CPPED1: variants seen among roughly 807,000 people sequenced by gnomAD.
CPPED1 encodes calcineurin like phosphoesterase domain containing 1.
CPPED1 carries 28 observed loss-of-function variants against 28.0 expected under a neutral mutation model. That is an observed-to-expected ratio of 1.00 (90% CI 0.74 to 1.37). The LOEUF is 1.37. Ranked by LOEUF, CPPED1 falls within the 40% of genes most tolerant of loss-of-function variation. CPPED1 has a pLI of 0.00. For synonymous variants in CPPED1, 198 were observed against 180.2 expected (o/e 1.10, Z -0.79); for missense variants, 504 against 416.5 (o/e 1.21, Z -1.83).
rs941793591 is a variant in CPPED1, at chr16:12,670,469, A to T, written c.716-5354T>A. Among the ~76,000 whole-genome samples the T allele has an allele frequency of 6.6e-6, 1 of 152,162 alleles. No individual in the cohort carries two copies. The highest frequency in any genetic ancestry group is 1.5e-5 in the Non-Finnish European group (1 of 68,034). The stretch of plus-strand genomic sequence containing the variant: ...TTCATCCCTTAGGTGTGGGCTGTGC[A>T]TCCTGACTTCTGTTCAAAGAGTATA... On this transcript the variant is annotated intron_variant, in intron 3 of 3. Transcript: ENST00000381774. The surrounding 1 kb of genome is among the most constrained non-coding windows in gnomAD (Gnocchi z 4.2).
intron 2 of CPPED1, among the ~76,000 whole-genome samples, chr16:12,767,679 T>C (rs2080447180): frequency 1.3e-5 from 2 of 152,080 alleles, no homozygotes; most frequent in Non-Finnish European, 2.9e-5. Context: ...ATTGCCCTAC[T>C]GGGGTGCAGT....
intron 2 of CPPED1, among the ~76,000 whole-genome samples, chr16:12,719,264 G>C (rs984013622): frequency 4.0e-5 from 6 of 151,544 alleles, no homozygotes; most frequent in South Asian, 2.1e-4. Flanking sequence ...GGTGGCGGGC[G>C]CCTGTAGTCC....
intron 1 of CPPED1, among the ~76,000 whole-genome samples, chr16:12,790,692 G>A (rs2080590785): frequency 6.6e-6 from 1 of 152,066 alleles, no homozygotes; most frequent in Non-Finnish European, 1.5e-5. Context: ...AGGCCGAGTG[G>A]CGGGGCGGGG....
intron 2 of CPPED1, among the ~76,000 whole-genome samples, chr16:12,732,350 GAAA>G: frequency 7.1e-6 from 1 of 141,342 alleles, no homozygotes; most frequent in Admixed American, 7.1e-5. Flanking sequence ...GCAAGGAAGT[GAAA>G]AAAAAAAAAG....
intron 3 of CPPED1, among the ~76,000 whole-genome samples, chr16:12,694,731 T>G (rs867518439): frequency 4.7e-4 from 23 of 49,192 alleles, no homozygotes; most frequent in South Asian, 8.0e-4. Flanking sequence ...TAAAAAAAGG[T>G]GGGGGGGGGG....
chr16:12,718,603 T>C (rs2080120640), intron 2 of CPPED1, among the ~76,000 whole-genome samples: 1 of 150,358 alleles, frequency 6.7e-6, no homozygotes, highest in African/African-American at 2.5e-5. Flanking sequence ...GGTGAGAGCA[T>C]GGGGATACAG....
In CPPED1 at chr16:12,661,500, CAA is replaced by C. The variant is rs2141160446; in HGVS notation, c.*3384_*3385del. 6.6e-6 allele frequency: 1 copy of C among 152,332 alleles called. No homozygotes were observed. Among genetic ancestry groups the C allele is most frequent in the South Asian group, 2.1e-4 (1 of 4,824 alleles). 9.4% of individuals were successfully genotyped at this position (152,332 alleles called of 1,614,324 possible). ...ATGATCATCTCCCCAGCCCCATTCC[CAA>C]AGTCACTTGAGCCTTTGCAATCCAA... On this transcript the variant is annotated 3_prime_UTR_variant, in exon 4 of 4. Coordinates refer to ENST00000381774, the MANE Select transcript of CPPED1 (RefSeq NM_018340.3).
intron 3 of CPPED1, among the ~76,000 whole-genome samples, chr16:12,689,648 C>T (rs1048008089): frequency 3.7e-4 from 56 of 152,124 alleles, no homozygotes; most frequent in African/African-American, 1.3e-3. Flanking sequence ...ACAAACCACA[C>T]TAAAGATGCA....
rs1596449378 is a variant in CPPED1, at chr16:12,695,813, C to A, written c.715+8811G>T. Among the ~76,000 whole-genome samples, 3 of 152,326 alleles carry A rather than the reference C, an allele frequency of 2.0e-5. No individual in the cohort carries two copies. The East Asian group carries it at 5.8e-4, about 29-fold the overall frequency. ...TCTCACCATTTGGCTGTGCTCGAGT[C>A]TTTCTGAGCCTCTATTCTGGTTCAG... On this transcript the variant is annotated intron_variant, in intron 3 of 3. Coordinates refer to ENST00000381774, the MANE Select transcript of CPPED1 (RefSeq NM_018340.3).
At chr16:12,714,589 T>C (rs576676856) in intron 2 of CPPED1, among the ~76,000 whole-genome samples, 1 of 152,378 alleles carries the variant, frequency 6.6e-6, no homozygotes, top group Non-Finnish European at 1.5e-5. Context: ...ATATCTTCTT[T>C]GGAGAAATGT....
intron 2 of CPPED1, among the ~76,000 whole-genome samples, chr16:12,761,496 G>A (rs979825642): frequency 3.3e-5 from 5 of 151,954 alleles, no homozygotes; most frequent in African/African-American, 9.7e-5. Context: ...ATACTATGAC[G>A]AGTACTATTA....
intron 2 of CPPED1, among the ~76,000 whole-genome samples, chr16:12,767,021 T>C (rs1319310728): frequency 2.0e-5 from 3 of 151,666 alleles, no homozygotes; most frequent in African/African-American, 7.3e-5. Flanking sequence ...TTTTGAGTCA[T>C]GGAGCCTGTA....
chr16:12,706,767 G>A lies in CPPED1; in HGVS notation c.290-1718C>T, dbSNP rs1005955049. ...GAGAGGACTCTCGGTCCCTGGAGCA[G>A]GCACGACCTGCTTCCACAGGAGGCT... On this transcript the variant is annotated intron_variant, in intron 2 of 3. Coordinates refer to ENST00000381774, the MANE Select transcript of CPPED1 (RefSeq NM_018340.3). Among the ~76,000 whole-genome samples the A allele has an allele frequency of 6.1e-4, 93 of 152,188 alleles. 1 individual carries two copies. Among genetic ancestry groups the A allele is most frequent in the Middle Eastern group, 3.4e-3 (1 of 294 alleles).
rs1052834470 is a variant in CPPED1 at position 12,670,109 on chromosome 16, C to T, written c.716-4994G>A. On this transcript the variant is annotated intron_variant, in intron 3 of 3. Coordinates refer to ENST00000381774, the MANE Select transcript of CPPED1 (RefSeq NM_018340.3). This position sits in a 1 kb window ranked among gnomAD's most constrained non-coding sequence, Gnocchi z 4.2. ...AGGCCAGGAGTTCGACCAGCCTGGG[C>T]AACACAGTGAGATCCCGTCTCTACA... Among the ~76,000 whole-genome samples the T allele has an allele frequency of 1.3e-5, 2 of 152,064 alleles. No individual in the cohort carries two copies. The highest frequency in any genetic ancestry group is 2.9e-5 in the Non-Finnish European group (2 of 68,020).
chr16:12,740,026 A>G (rs1280725792), intron 2 of CPPED1, among the ~76,000 whole-genome samples: 1 of 129,314 alleles, frequency 7.7e-6, no homozygotes, highest in Non-Finnish European at 1.5e-5. Flanking sequence ...AAGACGAAAG[A>G]AAGAAAAGAA....
intron 1 of CPPED1, among the ~76,000 whole-genome samples, chr16:12,801,384 C>T (rs954878415): frequency 2.0e-5 from 3 of 152,054 alleles, no homozygotes; most frequent in South Asian, 4.1e-4. Flanking sequence ...TGAGCCACCG[C>T]GGCCGGCCCT....
intron 2 of CPPED1, among the ~76,000 whole-genome samples, chr16:12,764,777 G>A (rs977961986): frequency 5.9e-5 from 9 of 152,148 alleles, no homozygotes; most frequent in Non-Finnish European, 1.0e-4. Flanking sequence ...TGTTTTATTT[G>A]TACCTCTTGA....
At chr16:12,722,181 G>A (rs1441352936) in intron 2 of CPPED1, among the ~76,000 whole-genome samples, 2 of 152,148 alleles carry the variant, frequency 1.3e-5, no homozygotes, top group African/African-American at 2.4e-5. Context: ...CTTAGTAAGC[G>A]GAGAAACAGT....
At chr16:12,683,321 C>T (rs902662315) in intron 3 of CPPED1, among the ~76,000 whole-genome samples, 1 of 152,160 alleles carries the variant, frequency 6.6e-6, no homozygotes, top group Non-Finnish European at 1.5e-5. Context: ...GCTTATTCTT[C>T]CTGCATACAT....
Sources: gnomAD v4.1 joint callset for allele counts (sites outside exome capture counted in the v4.1 genomes callset) on GRCh38, gnomAD v4.1.1 for gene constraint, Gnocchi (gnomAD v3.1) non-coding constraint, MANE v1.5 for transcripts, NCBI Gene and HGNC (gene_info 2026-07-23, HGNC 2026-07-21) for gene names.